The following TDO2 variants were observed in gnomAD, a reference collection of about 807,000 sequenced individuals.
TDO2 encodes tryptamin 2,3-dioxygenase.
Under a neutral mutation model 61.2 loss-of-function variants are expected in TDO2, and 63 were observed. The ratio of observed to expected loss-of-function variants is 1.03; its 90% CI spans 0.84 to 1.27. TDO2 has a LOEUF of 1.27. Ranked by LOEUF, TDO2 falls within the 50% of genes most tolerant of loss-of-function variation. TDO2 has a pLI of 0.00. For synonymous variants in TDO2, 183 were observed against 164.0 expected (o/e 1.12, Z -0.89); for missense variants, 494 against 469.5 (o/e 1.05, Z -0.48).
At chr4:155,913,252 TTAAAATTAAGA>T (rs1742870153) in intron 7 of TDO2, among the ~76,000 whole-genome samples, 1 of 152,116 alleles carries the variant, frequency 6.6e-6, no homozygotes, top group African/African-American at 2.4e-5. Context: ...CTCATTGTTT[TTAAAATTAAGA>T]TAAAATTAAC....
chr4:155,913,445 G>T (rs1369996566), intron 7 of TDO2, among the ~76,000 whole-genome samples: 2 of 151,952 alleles, frequency 1.3e-5, no homozygotes, highest in Non-Finnish European at 2.9e-5. Flanking sequence ...GAAGATCTTG[G>T]CTCGAGGAAA....
In TDO2 at chr4:155,909,030, A is replaced by AT. The variant is rs758906378; in HGVS notation, c.431+20dup. 1.3e-6 allele frequency: 2 copies of AT among 1,578,868 alleles called. No homozygotes were observed. Among genetic ancestry groups the AT allele is most frequent in the Admixed American group, 3.7e-5 (2 of 53,426 alleles). ...ATGACTTCAGGTGTGCACATTTGGC[A>AT]TTTTAAAAAATGTGATGGAATTTAC... On this transcript the variant is annotated intron_variant, in intron 5 of 11. Transcript: ENST00000536354.
intron 3 of TDO2, chr4:155,906,606 C>G (rs1392848110): frequency 6.6e-6 from 1 of 152,064 alleles, no homozygotes; most frequent in Non-Finnish European, 1.5e-5. Flanking sequence ...TTACTTTATG[C>G]CTGACACTGT....
At chr4:155,913,452 G>A (rs1301659349) in intron 7 of TDO2, among the ~76,000 whole-genome samples, 2 of 151,978 alleles carry the variant, frequency 1.3e-5, no homozygotes, top group African/African-American at 2.4e-5. Flanking sequence ...TTGGCTCGAG[G>A]AAAACTTCTT....
In TDO2 at chr4:155,918,231, A is replaced by G; in HGVS notation, c.1059A>G (p.Ser353=). The change falls in exon 11 of 12, where the codon TCA becomes TCG. Residue 353 remains serine (S), a synonymous_variant. Transcript: ENST00000536354. ...GGSSGYHYLR[S]TVSDRYKVFV... Reference sequence around the variant, plus strand: ...CCTCAGGCTATCACTACCTGCGATCAACTGTGAGGTAGGTGGGGAAATTCT... The same window carrying G: ...CCTCAGGCTATCACTACCTGCGATCGACTGTGAGGTAGGTGGGGAAATTCT... The G allele has an allele frequency of 6.2e-7, 1 of 1,614,062 alleles. No individual in the cohort carries two copies. Among genetic ancestry groups the G allele is most frequent in the Non-Finnish European group, 8.5e-7 (1 of 1,179,910 alleles).
chr4:155,917,359 G>A (rs1390400285), intron 9 of TDO2, 36 bp from the exon 10 acceptor site: 3 of 1,552,156 alleles, frequency 1.9e-6, no homozygotes, highest in Non-Finnish European at 2.6e-6. Context: ...CGATTTACTT[G>A]AATATATTCT....
In TDO2 at chr4:155,920,313, T is replaced by C; in HGVS notation, c.*323T>C. 3.7e-6 allele frequency: 1 copy of C among 270,570 alleles called. No homozygotes were observed. The highest frequency in any genetic ancestry group is 7.0e-6 in the Non-Finnish European group (1 of 143,692). 16.8% of individuals were successfully genotyped at this position (270,570 alleles called of 1,614,324 possible). ...TTTATAAACTTGTAAACTTCATCTA[T>C]TTCAAATATTTTATGCAGTACATTA... On this transcript the variant is annotated 3_prime_UTR_variant, in exon 12 of 12. Transcript: ENST00000536354.
intron 11 of TDO2, among the ~76,000 whole-genome samples, chr4:155,919,218 A>G (rs1331276283): frequency 2.0e-5 from 3 of 152,206 alleles, no homozygotes; most frequent in Non-Finnish European, 4.4e-5. Context: ...AAGTTTAAAC[A>G]ACTTGTCAAA....
At chr4:155,904,220 A>G (rs2110860794) in intron 2 of TDO2, 97 bp downstream of exon 2, 5 of 867,942 alleles carry the variant, frequency 5.8e-6, no homozygotes, top group Non-Finnish European at 9.0e-6. Context: ...AATTAGGGAA[A>G]GTCACCAATC....
At chr4:155,919,389 A>G (rs1257955531) in intron 11 of TDO2, among the ~76,000 whole-genome samples, 5 of 152,184 alleles carry the variant, frequency 3.3e-5, no homozygotes, top group Non-Finnish European at 7.4e-5. Context: ...ATTTATTATG[A>G]GTCTAAGATG....
In TDO2 at chr4:155,915,823, T is replaced by C. The variant is rs1395300123; in HGVS notation, c.839-32T>C. The C allele has an allele frequency of 2.5e-6, 4 of 1,587,470 alleles. No individual in the cohort carries two copies. The Admixed American group carries it at 7.3e-5, about 29-fold the overall frequency. ...TAATACAAAATTACCTTAAATGACCTAAAAAATTTAAATTTAGTATGTATT... is the reference window on the plus strand; with the variant it reads ...TAATACAAAATTACCTTAAATGACCCAAAAAATTTAAATTTAGTATGTATT... On this transcript the variant is annotated intron_variant, in intron 8 of 11. Transcript: ENST00000536354.
At chr4:155,907,824 G>A in intron 4 of TDO2, 32 bp downstream of exon 4, 1 of 1,534,936 alleles carries the variant, frequency 6.5e-7, no homozygotes, top group Non-Finnish European at 9.0e-7. Context: ...TTGGTTTCAT[G>A]TATATTTTTG....
At position 155,910,074 on chromosome 4, in the gene TDO2, T is replaced by C. The variant is rs768086754; in HGVS notation, c.481T>C (p.Leu161=). 4.4e-6 allele frequency: 7 copies of C among 1,591,236 alleles called. No individual in the cohort carries two copies. The highest frequency in any genetic ancestry group is 3.7e-5 in the Admixed American group (2 of 54,630). The part of the protein sequence containing the change: ...SGFQSLQFRL[L]ENKIGVLQNM... ...CTTCCAGAGTTTGCAATTCCGACTA[T>C]TAGAAAACAAGATAGGTGTTCTTCA... Residue 161 remains leucine (L), a synonymous_variant, in exon 6 of 12, where the codon TTA becomes CTA. Coordinates refer to ENST00000536354, the MANE Select transcript of TDO2 (RefSeq NM_005651.4).
At chr4:155,905,617 G>GT (rs3839139) in intron 3 of TDO2, 11,752 of 151,968 alleles carry the variant, frequency 0.077, 518 homozygotes, top group South Asian at 0.13. Context: ...TGGGCAGTGG[G>GT]TTTTTTTTTA....
In TDO2 at chr4:155,910,045, C is replaced by T. The variant is rs762745653; in HGVS notation, c.452C>T (p.Ser151Leu). 1.3e-6 allele frequency: 2 copies of T among 1,568,144 alleles called. No individual in the cohort carries two copies. The highest frequency in any genetic ancestry group is 8.6e-7 in the Non-Finnish European group (1 of 1,164,086). Reference protein sequence around the residue: ...NDFREYLSPASGFQSLQFRLL... With the variant: ...NDFREYLSPALGFQSLQFRLL... Reference sequence around the variant, plus strand: ...CAAAGAGAGTACTTATCTCCAGCATCAGGCTTCCAGAGTTTGCAATTCCGA... The same window carrying T: ...CAAAGAGAGTACTTATCTCCAGCATTAGGCTTCCAGAGTTTGCAATTCCGA... Residue 151 changes from serine (S) to leucine (L), a missense_variant, in exon 6 of 12, where the codon TCA (serine) becomes TTA (leucine). Physicochemically the swap from Ser to Leu is moderately radical, Grantham distance 145 (BLOSUM62 -2). Coordinates refer to ENST00000536354, the MANE Select transcript of TDO2 (RefSeq NM_005651.4).
intron 7 of TDO2, 47 bp downstream of exon 7, chr4:155,911,651 A>G (rs1321527371): frequency 7.9e-7 from 1 of 1,268,530 alleles, no homozygotes; most frequent in African/African-American, 1.6e-5. Flanking sequence ...AGAAATATTC[A>G]AAATTTTATT....
At chr4:155,917,592 G>C in intron 10 of TDO2, 118 bp downstream of exon 10, 1 of 784,644 alleles carries the variant, frequency 1.3e-6, no homozygotes, top group Non-Finnish European at 2.0e-6. Flanking sequence ...TTTGTGTGTG[G>C]GTGCATTCTT....
intron 9 of TDO2, 43 bp from the exon 10 acceptor site, chr4:155,917,352 T>G: frequency 1.3e-6 from 2 of 1,519,478 alleles, no homozygotes; most frequent in Non-Finnish European, 1.8e-6. Flanking sequence ...ACACACTCGA[T>G]TTACTTGAAT....
At chr4:155,914,588 G>A (rs1362114382) in intron 8 of TDO2, among the ~76,000 whole-genome samples, 154 bp downstream of exon 8, 1 of 152,064 alleles carries the variant, frequency 6.6e-6, no homozygotes, top group Non-Finnish European at 1.5e-5. Context: ...TGTTTTTGGT[G>A]ATAAACCTAT....
Sources: gnomAD v4.1 joint callset for allele counts (sites outside exome capture counted in the v4.1 genomes callset) on GRCh38, gnomAD v4.1.1 for gene constraint, MANE v1.5 for transcripts, NCBI Gene and HGNC (gene_info 2026-07-23, HGNC 2026-07-21) for gene names.